The following USH2A variants were observed in gnomAD, a reference collection of about 807,000 sequenced individuals.
The protein encoded by USH2A is Usher syndrome 2A (autosomal recessive, mild).
Under a neutral mutation model 538.9 loss-of-function variants are expected in USH2A, and 443 were observed. The observed-to-expected ratio is 0.82, with a 90% confidence interval of 0.76 to 0.89. USH2A has a LOEUF of 0.89. Ranked by LOEUF, USH2A falls within the 40% of genes least tolerant of loss-of-function variation. The pLI is 0.00. For missense variants in USH2A, 6,633 were observed against 6,324.8 expected (o/e 1.05, Z -1.65); for synonymous variants, 2,413 against 2,273.5 (o/e 1.06, Z -1.75).
At chr1:216,262,930 A>C (rs556826820) in intron 11 of USH2A, among the ~76,000 whole-genome samples, 1 of 152,278 alleles carries the variant, frequency 6.6e-6, no homozygotes, top group African/African-American at 2.4e-5. Context: ...ATAAAATCAG[A>C]AATGAAAAAG....
In USH2A at chr1:216,050,560, TTTTCTTTCTTTC is replaced by T. The variant is rs67191347; in HGVS notation, c.6050-1925_6050-1914del. ...ACATGCTACTAGACAATTTGTATCT[TTTTCTTTCTTTC>T]TTTCTTTCTTTCTTTCTTTCTTTCT... On this transcript the variant is annotated intron_variant, in intron 30 of 71. Transcript: ENST00000307340. Among the ~76,000 whole-genome samples, 30 of 35,704 alleles carry T rather than the reference TTTTCTTTCTTTC, an allele frequency of 8.4e-4. 5 individuals carry two copies. The highest frequency in any genetic ancestry group is 0.05 in the Middle Eastern group (2 of 40). 23.4% of individuals were successfully genotyped at this position (35,704 alleles called of 152,430 possible).
chr1:215,763,359 G>A (rs535981390), intron 56 of USH2A, among the ~76,000 whole-genome samples: 1 of 152,274 alleles, frequency 6.6e-6, no homozygotes, highest in African/African-American at 2.4e-5. Context: ...GTGGAGATGG[G>A]TAGGAAGTAG....
At chr1:215,847,734 C>T (rs1208231232) in intron 44 of USH2A, among the ~76,000 whole-genome samples, 1 of 151,906 alleles carries the variant, frequency 6.6e-6, no homozygotes, top group Non-Finnish European at 1.5e-5. Flanking sequence ...CTATTGAAGT[C>T]CAATTTCACT....
At chr1:216,388,536 C>G (rs2039046635) in intron 3 of USH2A, among the ~76,000 whole-genome samples, 1 of 152,066 alleles carries the variant, frequency 6.6e-6, no homozygotes, top group African/African-American at 2.4e-5. Context: ...TAAGGGAATT[C>G]CAAGACTCGG....
At position 215,730,666 on chromosome 1, in the gene USH2A, C is replaced by T. The variant is rs559212946; in HGVS notation, c.11712-2282G>A. 8.5e-5 allele frequency among the ~76,000 whole-genome samples: 13 copies of T among 152,248 alleles called. No homozygotes were observed. In the East Asian group the frequency reaches 2.3e-3, roughly 27 times the overall value. On this transcript the variant is annotated intron_variant, in intron 60 of 71. Coordinates refer to ENST00000307340, the MANE Select transcript of USH2A (RefSeq NM_206933.4). The stretch of plus-strand genomic sequence containing the variant: ...AAGGCAGAATATGTAAAATCTTTGG[C>T]TTTGGGAATCTGATGATCCTTAAGT...
At chr1:216,365,661 A>T (rs1480941982) in intron 3 of USH2A, among the ~76,000 whole-genome samples, 1 of 149,642 alleles carries the variant, frequency 6.7e-6, no homozygotes, top group Non-Finnish European at 1.5e-5. Flanking sequence ...TAATAACTGC[A>T]CATATTAGGG....
chr1:215,862,427 G>C (rs568261726), intron 44 of USH2A, among the ~76,000 whole-genome samples: 1 of 152,106 alleles, frequency 6.6e-6, no homozygotes, highest in Admixed American at 6.5e-5. Context: ...GGTGGGGGGA[G>C]TGGGGAGGGA....
intron 13 of USH2A, among the ~76,000 whole-genome samples, chr1:216,234,175 C>G (rs920213083): frequency 6.6e-6 from 1 of 152,122 alleles, no homozygotes; most frequent in African/African-American, 2.4e-5. Flanking sequence ...ATTCCAGGCT[C>G]TTGTTGAAAA....
At chr1:216,256,989 A>G (rs191341408) in intron 11 of USH2A, among the ~76,000 whole-genome samples, 2 of 152,088 alleles carry the variant, frequency 1.3e-5, no homozygotes, top group Admixed American at 1.3e-4. Context: ...ATTACTGCCA[A>G]ACATTTTACT....
intron 64 of USH2A, among the ~76,000 whole-genome samples, chr1:215,662,610 A>G (rs529201597): frequency 2.8e-4 from 42 of 152,370 alleles, no homozygotes; most frequent in African/African-American, 8.7e-4. Flanking sequence ...CCCTGGGCCT[A>G]GTGGCGAACT....
Position 216,149,460 on chromosome 1 carries a change from G to A in USH2A, c.4627+25792C>T, listed in dbSNP as rs151044646. Among the ~76,000 whole-genome samples the A allele has an allele frequency of 1.3e-3, 203 of 152,190 alleles. 1 individual carries two copies. The highest frequency in any genetic ancestry group is 3.4e-3 in the Middle Eastern group (1 of 294). On this transcript the variant is annotated intron_variant, in intron 21 of 71. Coordinates refer to ENST00000307340, the MANE Select transcript of USH2A (RefSeq NM_206933.4). ...TCAGGAAAGGTAGAACGGACTAATG[G>A]TCTTTTAAAAGGCACACCTCACCAA...
intron 67 of USH2A, 110 bp from the exon 68 acceptor site, chr1:215,640,844 C>CAAAAAAAAAAA (rs56212994): frequency 2.2e-5 from 11 of 496,786 alleles, no homozygotes; most frequent in South Asian, 5.3e-5. Context: ...CCAATCCAAA[C>CAAAAAAAAAAA]AAAAAAAAAA....
chr1:216,357,824 A>G (rs950799445), intron 4 of USH2A, among the ~76,000 whole-genome samples: 7 of 152,280 alleles, frequency 4.6e-5, no homozygotes, highest in African/African-American at 1.7e-4. Context: ...TATTACCACG[A>G]TGACATTGCT....
intron 19 of USH2A, among the ~76,000 whole-genome samples, chr1:216,193,776 T>C (rs988847055): frequency 1.6e-4 from 25 of 152,036 alleles, no homozygotes; most frequent in Admixed American, 1.2e-3. Flanking sequence ...AAGAATTGTC[T>C]CCTAGAGCCT....
chr1:216,153,265 G>C (rs2033875282), intron 21 of USH2A, among the ~76,000 whole-genome samples: 1 of 152,130 alleles, frequency 6.6e-6, no homozygotes, highest in South Asian at 2.1e-4. Context: ...CAGCTAAAAG[G>C]GCATTGTAAC....
chr1:215,907,045 T>C (rs1171563463), intron 38 of USH2A, among the ~76,000 whole-genome samples: 1 of 151,912 alleles, frequency 6.6e-6, no homozygotes. Flanking sequence ...CTTGGCAAGT[T>C]GTCCCATCAC....
At chr1:216,322,192 G>A (rs978607969) in intron 8 of USH2A, among the ~76,000 whole-genome samples, 10 of 152,042 alleles carry the variant, frequency 6.6e-5, no homozygotes, top group East Asian at 1.9e-4. Context: ...ATCCAAACCC[G>A]TGTATTGTAA....
intron 48 of USH2A, among the ~76,000 whole-genome samples, chr1:215,814,973 T>C (rs1258974082): frequency 6.6e-6 from 1 of 152,124 alleles, no homozygotes; most frequent in African/African-American, 2.4e-5. Context: ...GTAAAGCTTG[T>C]TTAAGTATTT....
chr1:215,967,980 G>C (rs1371660645), intron 36 of USH2A, among the ~76,000 whole-genome samples: 1 of 152,092 alleles, frequency 6.6e-6, no homozygotes, highest in African/African-American at 2.4e-5. Flanking sequence ...CTCCACTAGT[G>C]TTATGTAACA....
Sources: allele counts gnomAD v4.1 joint callset (sites outside exome capture counted in the v4.1 genomes callset), GRCh38; gene constraint gnomAD v4.1.1; transcripts MANE v1.5; gene names NCBI Gene and HGNC (gene_info 2026-07-23, HGNC 2026-07-21).